Variants in ATP6V0A1 observed in about 807,000 individuals in gnomAD.
ATP6V0A1 encodes the protein V-type proton ATPase 116 kDa subunit a 1.
A neutral mutation model predicts 105.4 loss-of-function variants in ATP6V0A1; 43 were observed. The observed-to-expected ratio is 0.41, with a 90% CI of 0.32 to 0.53. The LOEUF is 0.53. Among genes scored for constraint, ATP6V0A1 ranks in the 20% least tolerant of loss-of-function variants. The probability of loss-of-function intolerance (pLI) is 0.30; values close to 1 mark genes in which losing one functional copy is unlikely to be tolerated. For missense variants in ATP6V0A1, 676 were observed against 1,051.1 expected (o/e 0.64, Z 4.93); for synonymous variants, 362 against 372.8 (o/e 0.97, Z 0.33).
At chr17:42,461,525 A>C (rs1323079173) in intron 2 of ATP6V0A1, among the ~76,000 whole-genome samples, 1 of 152,150 alleles carries the variant, frequency 6.6e-6, no homozygotes, top group Non-Finnish European at 1.5e-5. Flanking sequence ...CTATAATCCT[A>C]ACACTTTGGG....
chr17:42,514,061 A>T, intron 20 of ATP6V0A1, 83 bp downstream of exon 20: 1 of 1,446,424 alleles, frequency 6.9e-7, no homozygotes, highest in Non-Finnish European at 9.7e-7. Context: ...AGTCAAATGG[A>T]AATTACATGA....
chr17:42,462,459 G>A (rs561543139), intron 2 of ATP6V0A1, among the ~76,000 whole-genome samples: 109 of 152,014 alleles, frequency 7.2e-4, no homozygotes, highest in African/African-American at 2.5e-3. Flanking sequence ...CCACTCTGTC[G>A]CCCAGGCTGG....
chr17:42,483,212 T>A, intron 9 of ATP6V0A1, 81 bp downstream of exon 9: 1 of 1,110,224 alleles, frequency 9.0e-7, no homozygotes, highest in Middle Eastern at 2.2e-4. Context: ...ATGCTGATAT[T>A]CTATAAGGTA....
intron 5 of ATP6V0A1, among the ~76,000 whole-genome samples, chr17:42,474,035 C>T (rs1198963846): frequency 6.6e-6 from 1 of 150,436 alleles, no homozygotes; most frequent in Non-Finnish European, 1.5e-5. Flanking sequence ...CAGAGTCTCG[C>T]TTTGTCATCC....
At chr17:42,506,040 G>T (rs374877806) in intron 17 of ATP6V0A1, among the ~76,000 whole-genome samples, 2 of 152,034 alleles carry the variant, frequency 1.3e-5, no homozygotes, top group Admixed American at 1.3e-4. Context: ...TGCCTGACTC[G>T]GCCTTCCAAA....
intron 1 of ATP6V0A1, 62 bp from the exon 2 acceptor site, chr17:42,460,786 T>C (rs2086312989): frequency 1.2e-6 from 1 of 805,642 alleles, no homozygotes; most frequent in African/African-American, 1.7e-5. Context: ...CGTAGTGGGG[T>C]GTCATTTGCT....
rs566274919 is a variant in ATP6V0A1 at position 42,487,216 on chromosome 17, G to A, written c.872G>A (p.Arg291His). The change falls in exon 10 of 22, where the codon CGT (arginine) becomes CAT (histidine). Residue 291 changes from arginine to histidine, a missense_variant. By Grantham distance (29) the Arg-to-His change is conservative. Transcript: ENST00000343619. ...RVLQAAAKNI[R>H]VWFIKVRKMK... Reference sequence around the variant, plus strand: ...CTGCAGGCAGCTGCTAAGAACATCCGTGTCTGGTTCATCAAAGTGCGGAAG... The same window carrying A: ...CTGCAGGCAGCTGCTAAGAACATCCATGTCTGGTTCATCAAAGTGCGGAAG... 7 of 1,614,138 alleles carry A rather than the reference G, an allele frequency of 4.3e-6. No homozygotes were observed. In the Admixed American group the frequency reaches 5.0e-5, roughly 12 times the overall value.
intron 13 of ATP6V0A1, 105 bp downstream of exon 13, chr17:42,495,293 T>A: frequency 8.2e-7 from 1 of 1,215,722 alleles, no homozygotes; most frequent in Non-Finnish European, 1.2e-6. Context: ...GTGGTGACAG[T>A]GTCTCCTCAT....
chr17:42,506,507 C>T (rs1022741931), intron 17 of ATP6V0A1, among the ~76,000 whole-genome samples: 1 of 152,242 alleles, frequency 6.6e-6, no homozygotes, highest in African/African-American at 2.4e-5. Context: ...CTGCGCAGGC[C>T]TCCTGCACGC....
At chr17:42,507,095 C>T (rs1469374372) in intron 17 of ATP6V0A1, among the ~76,000 whole-genome samples, 1 of 152,222 alleles carries the variant, frequency 6.6e-6, no homozygotes, top group Non-Finnish European at 1.5e-5. Context: ...CACAATGTCA[C>T]TTGGCCCCCC....
At chr17:42,515,218 G>C (rs1358303539) in intron 21 of ATP6V0A1, among the ~76,000 whole-genome samples, 2 of 152,054 alleles carry the variant, frequency 1.3e-5, no homozygotes. Context: ...TGTAATCCTA[G>C]CACTTTGGGA....
At chr17:42,498,432 T>G (rs551623503) in intron 14 of ATP6V0A1, among the ~76,000 whole-genome samples, 45 of 152,210 alleles carry the variant, frequency 3.0e-4, no homozygotes, top group African/African-American at 1.1e-3. Context: ...AAAAAAAAAT[T>G]TTGTCGAAGC....
At chr17:42,520,504 G>C in intron 21 of ATP6V0A1, 1 of 456,532 alleles carries the variant, frequency 2.2e-6, no homozygotes, top group Non-Finnish European at 4.4e-6. Flanking sequence ...GCTTTGAGAA[G>C]ACTTCCCCTC....
At chr17:42,511,953 C>T (rs985827165) in intron 19 of ATP6V0A1, among the ~76,000 whole-genome samples, 3 of 151,852 alleles carry the variant, frequency 2.0e-5, no homozygotes, top group African/African-American at 7.3e-5. Context: ...ACAAGTGAAA[C>T]TCCGTCTCAA....
At chr17:42,467,021 C>T (rs2087164429) in intron 3 of ATP6V0A1, among the ~76,000 whole-genome samples, 1 of 152,100 alleles carries the variant, frequency 6.6e-6, no homozygotes, top group South Asian at 2.1e-4. Flanking sequence ...GTGGCAGGCG[C>T]CTGTAATCCC....
In ATP6V0A1 at chr17:42,490,470, G is replaced by T; in HGVS notation, c.1024-17G>T. ...GGAGGATAACCTAAGTTTGATAAAT[G>T]TGCTAATGTTTTTCAGGAACACAGT... On this transcript the variant is annotated splice_polypyrimidine_tract_variant and intron_variant, in intron 10 of 21. Coordinates refer to ENST00000343619, the MANE Select transcript of ATP6V0A1 (RefSeq NM_001130021.3). 1 of 1,591,692 alleles carries T rather than the reference G, an allele frequency of 6.3e-7. No individual in the cohort carries two copies. The highest frequency in any genetic ancestry group is 8.5e-7 in the Non-Finnish European group (1 of 1,172,008).
At chr17:42,501,848 A>C (rs554105511) in intron 17 of ATP6V0A1, among the ~76,000 whole-genome samples, 24 of 151,928 alleles carry the variant, frequency 1.6e-4, no homozygotes, top group Non-Finnish European at 3.5e-4. Flanking sequence ...AGCCTGGCCA[A>C]CATGGTGAAA....
At chr17:42,489,674 C>T (rs1353421804) in intron 10 of ATP6V0A1, among the ~76,000 whole-genome samples, 1 of 151,964 alleles carries the variant, frequency 6.6e-6, no homozygotes, top group South Asian at 2.1e-4. Flanking sequence ...AATTAGGGTT[C>T]CAATGAGGGA....
At chr17:42,472,684 A>AC (rs1041284347) in intron 5 of ATP6V0A1, among the ~76,000 whole-genome samples, 2 of 152,060 alleles carry the variant, frequency 1.3e-5, no homozygotes, top group Admixed American at 6.6e-5. Context: ...AGATCGCACC[A>AC]CTGCACTCTA....
Sources: gnomAD v4.1 joint callset for allele counts (sites outside exome capture counted in the v4.1 genomes callset) on GRCh38, gnomAD v4.1.1 for gene constraint, MANE v1.5 for transcripts, NCBI Gene and HGNC (gene_info 2026-07-23, HGNC 2026-07-21) for gene names.